The following PPP3CA variants were observed in gnomAD, a reference collection of about 807,000 sequenced individuals.
PPP3CA encodes the protein protein phosphatase 3 catalytic subunit alpha, also known as CAM-PRP catalytic subunit.
In PPP3CA, 14 loss-of-function variants were observed where a neutral mutation model predicts 66.5. The observed-to-expected ratio is 0.21, with a 90% confidence interval of 0.14 to 0.33. PPP3CA has a LOEUF of 0.33. PPP3CA is among the 10% of genes least tolerant of loss of function. The pLI is 1.00. For missense variants in PPP3CA, 317 were observed against 639.5 expected (o/e 0.50, Z 5.44); for synonymous variants, 232 against 226.2 (o/e 1.03, Z -0.23).
chr4:101,278,115 CTA>C (rs1560694411), intron 1 of PPP3CA, among the ~76,000 whole-genome samples: 2 of 73,576 alleles, frequency 2.7e-5, no homozygotes, highest in African/African-American at 1.7e-4. Flanking sequence ...ACTTTAAAAG[CTA>C]TTAGTAAAAA....
intron 6 of PPP3CA, among the ~76,000 whole-genome samples, chr4:101,089,596 T>C (rs1412622682): frequency 1.3e-5 from 2 of 152,182 alleles, no homozygotes; most frequent in Non-Finnish European, 2.9e-5. Flanking sequence ...ATATGATTCA[T>C]CCAAGGCAGA....
At chr4:101,048,359 T>C (rs1019762543) in intron 10 of PPP3CA, among the ~76,000 whole-genome samples, 3 of 152,024 alleles carry the variant, frequency 2.0e-5, no homozygotes, top group African/African-American at 4.8e-5. Flanking sequence ...AAGACTGCTG[T>C]TCTATCAAGA....
intron 2 of PPP3CA, among the ~76,000 whole-genome samples, chr4:101,185,121 T>C (rs951964640): frequency 1.3e-5 from 2 of 152,010 alleles, no homozygotes; most frequent in East Asian, 1.9e-4. Context: ...AGCCCAAATA[T>C]ATAAAATAAT....
At chr4:101,335,108 A>T (rs889922082) in intron 1 of PPP3CA, among the ~76,000 whole-genome samples, 1 of 152,058 alleles carries the variant, frequency 6.6e-6, no homozygotes, top group Non-Finnish European at 1.5e-5. Context: ...TCATCTGCAA[A>T]CTTCTTTAGG....
chr4:101,280,819 C>CAAAAAAAAAAAAAA (rs5860668), intron 1 of PPP3CA, among the ~76,000 whole-genome samples: 1 of 84,604 alleles, frequency 1.2e-5, no homozygotes, highest in Non-Finnish European at 2.8e-5. Flanking sequence ...GACTCAGTCT[C>CAAAAAAAAAAAAAA]AAAAAAAAAA....
At chr4:101,299,787 C>G (rs994895974) in intron 1 of PPP3CA, among the ~76,000 whole-genome samples, 29 of 152,104 alleles carry the variant, frequency 1.9e-4, no homozygotes, top group Admixed American at 1.7e-3. Flanking sequence ...TATAAAATGT[C>G]TAACTTATTT....
chr4:101,146,454 T>A (rs994059211), intron 2 of PPP3CA, among the ~76,000 whole-genome samples: 2 of 152,184 alleles, frequency 1.3e-5, no homozygotes, highest in Non-Finnish European at 2.9e-5. Flanking sequence ...CCACTTTTTT[T>A]TTTTTTTAAA....
At position 101,276,984 on chromosome 4, in the gene PPP3CA, CCTGATATTTTCAAAATAT is replaced by C. The variant is rs548051960; in HGVS notation, c.58+69737_58+69754del. Among the ~76,000 whole-genome samples the C allele has an allele frequency of 5.5e-3, 114 of 20,876 alleles. 1 individual carries two copies. Among genetic ancestry groups the C allele is most frequent in the African/African-American group, 0.013 (110 of 8,286 alleles). The allele number at this position is 20,876 out of a possible 152,430, so 13.7% of individuals were successfully genotyped here. ...CATCTATCCAGCATTATGGCTAGGA[CCTGATATTTTCAAAATAT>C]TAGGACCTGATATTTTCAGGTCCTA... On this transcript the variant is annotated intron_variant, in intron 1 of 13. Coordinates refer to ENST00000394854, the MANE Select transcript of PPP3CA (RefSeq NM_000944.5).
At chr4:101,085,835 TACACAC>T (rs60331979) in intron 6 of PPP3CA, among the ~76,000 whole-genome samples, 3 of 143,868 alleles carry the variant, frequency 2.1e-5, no homozygotes, top group African/African-American at 7.6e-5. Context: ...ACTGCGTATA[TACACAC>T]ACACACACAC....
chr4:101,085,348 C>G (rs1291567394), intron 6 of PPP3CA, among the ~76,000 whole-genome samples: 1 of 152,100 alleles, frequency 6.6e-6, no homozygotes, highest in Non-Finnish European at 1.5e-5. Flanking sequence ...CTTATTTGCC[C>G]TTTTGGAACA....
chr4:101,262,991 T>C (rs1560687039), intron 1 of PPP3CA, among the ~76,000 whole-genome samples: 1 of 151,998 alleles, frequency 6.6e-6, no homozygotes, highest in Non-Finnish European at 1.5e-5. Context: ...AATATACCAA[T>C]AGAATCCACA....
chr4:101,177,200 GAGGTTATCTCTTAC>G (rs1407202046), intron 2 of PPP3CA, among the ~76,000 whole-genome samples: 2 of 152,116 alleles, frequency 1.3e-5, no homozygotes, highest in Admixed American at 1.3e-4. Flanking sequence ...AACAAAAGTT[GAGGTTATCTCTTAC>G]TTTGACACAG....
At chr4:101,253,264 T>C (rs1726735533) in intron 1 of PPP3CA, among the ~76,000 whole-genome samples, 1 of 152,154 alleles carries the variant, frequency 6.6e-6, no homozygotes, top group Non-Finnish European at 1.5e-5. Context: ...TGCTACTATA[T>C]ATTATTTTTT....
At chr4:101,324,178 AAGG>A (rs1560717928) in intron 1 of PPP3CA, among the ~76,000 whole-genome samples, 4 of 131,062 alleles carry the variant, frequency 3.1e-5, no homozygotes, top group Admixed American at 7.6e-5. Flanking sequence ...GGAAGGAAGG[AAGG>A]AAGGAAGGAA....
intron 2 of PPP3CA, among the ~76,000 whole-genome samples, chr4:101,167,273 G>C (rs1723722066): frequency 6.6e-6 from 1 of 152,066 alleles, no homozygotes; most frequent in Non-Finnish European, 1.5e-5. Context: ...AGAACAAATT[G>C]CTTCTGGATG....
rs118038355 is a variant in PPP3CA, at chr4:101,127,935, G to A, written c.260-18857C>T. On this transcript the variant is annotated intron_variant, in intron 2 of 13. Coordinates refer to ENST00000394854, the MANE Select transcript of PPP3CA (RefSeq NM_000944.5). The stretch of plus-strand genomic sequence containing the variant: ...ATTGTCCAAGCTGATAAGTAGCAGA[G>A]CTGGAATTCAAACCAAGGCAGTCTC... 6.4e-4 allele frequency among the ~76,000 whole-genome samples: 98 copies of A among 152,324 alleles called. 1 individual carries two copies. The East Asian group carries it at 0.016, about 26-fold the overall frequency.
chr4:101,085,851 CACACACAG>C (rs200833974), intron 6 of PPP3CA, among the ~76,000 whole-genome samples: 7,040 of 149,312 alleles, frequency 0.047, 243 homozygotes, highest in Middle Eastern at 0.096. Flanking sequence ...CACACACACA[CACACACAG>C]AGAGAGAGAG....
At chr4:101,268,384 C>T (rs924530134) in intron 1 of PPP3CA, among the ~76,000 whole-genome samples, 3 of 152,084 alleles carry the variant, frequency 2.0e-5, no homozygotes, top group African/African-American at 4.8e-5. Context: ...TAAGCTGGTA[C>T]ACAGTAATTC....
In PPP3CA at chr4:101,226,849, A is replaced by G. The variant is rs190922098; in HGVS notation, c.59-30733T>C. The stretch of plus-strand genomic sequence containing the variant: ...GTCTTCTAATATAAATGCTTGAAGA[A>G]TACTGATATCATGAAACACTATCAC... On this transcript the variant is annotated intron_variant, in intron 1 of 13. Transcript: ENST00000394854. Among the ~76,000 whole-genome samples the G allele has an allele frequency of 2.7e-3, 405 of 151,914 alleles. 4 individuals carry two copies. The highest frequency in any genetic ancestry group is 9.1e-3 in the African/African-American group (379 of 41,512).
Sources: gnomAD v4.1 joint callset for allele counts (sites outside exome capture counted in the v4.1 genomes callset) on GRCh38, gnomAD v4.1.1 for gene constraint, MANE v1.5 for transcripts, NCBI Gene and HGNC (gene_info 2026-07-23, HGNC 2026-07-21) for gene names.